ANO10: variants seen among roughly 807,000 people sequenced by gnomAD.
The protein encoded by ANO10 is anoctamin-10.
A neutral mutation model predicts 74.7 loss-of-function variants in ANO10; 77 were observed. The ratio of observed to expected loss-of-function variants is 1.03; its 90% confidence interval spans 0.86 to 1.25. ANO10 has a LOEUF of 1.25. ANO10 is among the 50% of genes most tolerant of loss of function. ANO10 has a pLI of 0.00. For missense variants in ANO10, 721 were observed against 778.1 expected, an observed-to-expected ratio of 0.93 and a Z score of 0.87; for synonymous variants, 279 against 284.9, an observed-to-expected ratio of 0.98 and a Z score of 0.21.
intron 11 of ANO10, among the ~76,000 whole-genome samples, chr3:43,502,914 T>A (rs1260553254): frequency 1.3e-5 from 2 of 152,206 alleles, no homozygotes; most frequent in Non-Finnish European, 1.5e-5. Context: ...AAGGGCTGTT[T>A]CCAGGAGCTA....
intron 9 of ANO10, among the ~76,000 whole-genome samples, chr3:43,559,599 A>T (rs1355629167): frequency 6.6e-6 from 1 of 152,102 alleles, no homozygotes; most frequent in Non-Finnish European, 1.5e-5. Flanking sequence ...ATACAAGAGT[A>T]CCAGGTGATG....
chr3:43,421,291 T>C (rs969065790), intron 12 of ANO10, among the ~76,000 whole-genome samples: 5 of 152,064 alleles, frequency 3.3e-5, no homozygotes, highest in Non-Finnish European at 7.4e-5. Context: ...AAGGCCAATG[T>C]GGGTGAATTG....
chr3:43,458,197 G>T (rs189704100), intron 11 of ANO10, among the ~76,000 whole-genome samples: 120 of 152,170 alleles, frequency 7.9e-4, no homozygotes, highest in African/African-American at 2.8e-3. Context: ...AACCCTGAAG[G>T]CTTGTTATAA....
At chr3:43,488,994 A>G (rs956522451) in intron 11 of ANO10, among the ~76,000 whole-genome samples, 1 of 151,946 alleles carries the variant, frequency 6.6e-6, no homozygotes, top group African/African-American at 2.4e-5. Context: ...GCAGCCATAA[A>G]AAATGATGAG....
At chr3:43,459,912 T>C (rs1337540541) in intron 11 of ANO10, among the ~76,000 whole-genome samples, 1 of 152,114 alleles carries the variant, frequency 6.6e-6, no homozygotes, top group Non-Finnish European at 1.5e-5. Flanking sequence ...AACCAGTAAA[T>C]GGCAGCATGG....
chr3:43,659,049 T>G lies in ANO10; in HGVS notation c.-12+32468A>C, dbSNP rs142739236. On this transcript the variant is annotated intron_variant, in intron 1 of 3. Coordinates refer to the ANO10 transcript ENST00000413397. Reference sequence around the variant, plus strand: ...TTAAGTATGAGGGGAAAAGGCAGTATCTTCTTTTCTTGGTTTTAAAGAAAA... The same window carrying G: ...TTAAGTATGAGGGGAAAAGGCAGTAGCTTCTTTTCTTGGTTTTAAAGAAAA... Among the ~76,000 whole-genome samples, 620 of 152,318 alleles carry G rather than the reference T, an allele frequency of 4.1e-3. 10 individuals carry two copies. Among genetic ancestry groups the G allele is most frequent in the Non-Finnish European group, 2.8e-3 (189 of 68,032 alleles).
intron 4 of ANO10, among the ~76,000 whole-genome samples, chr3:43,597,506 G>C (rs374296350): frequency 1.3e-5 from 2 of 151,938 alleles, no homozygotes; most frequent in Non-Finnish European, 2.9e-5. Flanking sequence ...GCAAACTATC[G>C]CAAGGACAGA....
At chr3:43,557,163 A>C (rs2079791085) in intron 9 of ANO10, among the ~76,000 whole-genome samples, 1 of 152,132 alleles carries the variant, frequency 6.6e-6, no homozygotes, top group South Asian at 2.1e-4. Context: ...GGAAAAAAAA[A>C]AACACTGTGC....
intron 4 of ANO10, among the ~76,000 whole-genome samples, chr3:43,594,028 T>C (rs1316432374): frequency 6.6e-6 from 1 of 152,120 alleles, no homozygotes; most frequent in African/African-American, 2.4e-5. Context: ...CATTACATAA[T>C]GGTAAAGGGA....
At chr3:43,655,379 T>C (rs1238205920) in intron 1 of ANO10, among the ~76,000 whole-genome samples, 1 of 152,200 alleles carries the variant, frequency 6.6e-6, no homozygotes, top group Non-Finnish European at 1.5e-5. Context: ...GCTGCAGACC[T>C]TGGCGGTGAG....
At chr3:43,690,955 G>T (rs1473688939) in intron 1 of ANO10, 9 of 1,550,924 alleles carry the variant, frequency 5.8e-6, no homozygotes, top group Non-Finnish European at 7.8e-6. Context: ...CTGTCAGCCG[G>T]CTTCGAGATA....
At chr3:43,554,239 G>C (rs546826960) in intron 10 of ANO10, among the ~76,000 whole-genome samples, 1 of 150,420 alleles carries the variant, frequency 6.6e-6, no homozygotes, top group East Asian at 2.0e-4. Context: ...TGTCACCCAG[G>C]CTGGAGTGTA....
At chr3:43,647,928 C>T (rs1156546766) in intron 1 of ANO10, among the ~76,000 whole-genome samples, 1 of 152,134 alleles carries the variant, frequency 6.6e-6, no homozygotes, top group African/African-American at 2.4e-5. Context: ...ATAGCTGTGG[C>T]CTCAACTACT....
intron 1 of ANO10, among the ~76,000 whole-genome samples, chr3:43,612,738 G>T (rs2082889801): frequency 6.6e-6 from 1 of 152,170 alleles, no homozygotes; most frequent in African/African-American, 2.4e-5. Flanking sequence ...TTCTTCAGTA[G>T]AAATCATAAT....
At chr3:43,638,858 G>A (rs1337014908) in intron 1 of ANO10, 1 of 152,272 alleles carries the variant, frequency 6.6e-6, no homozygotes, top group Non-Finnish European at 1.5e-5. Flanking sequence ...ATGTCACTCA[G>A]TTTCTGACAG....
At position 43,396,111 on chromosome 3, in the gene ANO10, A is replaced by T. The variant is rs542828794; in HGVS notation, c.1915-29137T>A. 4.6e-5 allele frequency among the ~76,000 whole-genome samples: 7 copies of T among 151,512 alleles called. No individual in the cohort carries two copies. In the South Asian group the frequency reaches 1.5e-3, roughly 32 times the overall value. On this transcript the variant is annotated intron_variant, in intron 12 of 12. Coordinates refer to ENST00000292246, the MANE Select transcript of ANO10 (RefSeq NM_018075.5). ...TTTGCTTGATGGCGCTGGCCAGAAC[A>T]TTCGGCATAATGTTGAAAAGAAGTG...
chr3:43,689,010 C>T (rs566636920), intron 1 of ANO10, among the ~76,000 whole-genome samples: 5 of 152,264 alleles, frequency 3.3e-5, no homozygotes, highest in African/African-American at 1.2e-4. Context: ...AGGCATCTTA[C>T]ATGACTAGAG....
chr3:43,557,394 T>C (rs1320911379), intron 9 of ANO10, among the ~76,000 whole-genome samples: 1 of 152,180 alleles, frequency 6.6e-6, no homozygotes, highest in African/African-American at 2.4e-5. Context: ...TCAAGCTTTT[T>C]TGGTCTTAAG....
chr3:43,507,904 A>G (rs543582017), intron 11 of ANO10, among the ~76,000 whole-genome samples: 5 of 152,204 alleles, frequency 3.3e-5, no homozygotes, highest in Non-Finnish European at 7.3e-5. Flanking sequence ...CTTGCAAAAA[A>G]TGTCATCAAA....
Sources: allele counts gnomAD v4.1 joint callset (sites outside exome capture counted in the v4.1 genomes callset), GRCh38; gene constraint gnomAD v4.1.1; transcripts MANE v1.5; gene names NCBI Gene and HGNC (gene_info 2026-07-23, HGNC 2026-07-21).